The following NEXMIF variants were observed in gnomAD, a reference collection of about 807,000 sequenced individuals.
NEXMIF encodes the protein XLMR protein related to neurite extension.
In NEXMIF, 8 loss-of-function variants were observed where a neutral mutation model predicts 62.1. That is an observed-to-expected ratio of 0.13 (90% CI 0.08 to 0.23). The LOEUF (loss-of-function observed/expected upper bound fraction) is 0.23. Ranked by LOEUF, NEXMIF falls within the 10% of genes least tolerant of loss-of-function variation. NEXMIF has a pLI of 1.00. For synonymous variants in NEXMIF, 404 were observed against 416.6 expected, an observed-to-expected ratio of 0.97 and a Z score of 0.37; for missense variants, 976 against 1,113.3, an observed-to-expected ratio of 0.88 and a Z score of 1.75.
intron 1 of NEXMIF, among the ~76,000 whole-genome samples, chrX:74,784,577 A>G (rs772813783): frequency 1.8e-5 from 2 of 110,317 alleles, no homozygotes; most frequent in Non-Finnish European, 3.8e-5. Context: ...CATTTAATGT[A>G]CTGCTTTATA....
intron 1 of NEXMIF, among the ~76,000 whole-genome samples, chrX:74,831,592 G>A (rs750762697): frequency 2.2e-3 from 241 of 110,277 alleles, no homozygotes; most frequent in Non-Finnish European, 3.5e-3. Context: ...CCAGTCTATC[G>A]TTGTTGGACA....
At chrX:74,751,800 C>T (rs1414746816) in intron 1 of NEXMIF, among the ~76,000 whole-genome samples, 2 of 90,457 alleles carry the variant, frequency 2.2e-5, no homozygotes, top group Admixed American at 1.2e-4. Flanking sequence ...TTCTTTCCTT[C>T]CCTCCCTCCC....
rs777076179 is a variant in NEXMIF, at chrX:74,794,712, A to G, written c.-47-49015T>C. On this transcript the variant is annotated intron_variant, in intron 1 of 3. Coordinates refer to ENST00000055682, the MANE Select transcript of NEXMIF (RefSeq NM_001008537.3). Reference sequence around the variant, plus strand: ...TTTTTAAGCCCGTCGGAAAAGCGCCATATTCGGGTGGGAGTGGCCCGATTT... The same window carrying G: ...TTTTTAAGCCCGTCGGAAAAGCGCCGTATTCGGGTGGGAGTGGCCCGATTT... Among the ~76,000 whole-genome samples, 386 of 111,217 alleles carry G rather than the reference A, an allele frequency of 3.5e-3. 2 individuals carry two copies. The highest frequency in any genetic ancestry group is 0.012 in the African/African-American group (367 of 30,642).
chrX:74,818,569 G>A (rs1463165960), intron 1 of NEXMIF, among the ~76,000 whole-genome samples: 2 of 111,902 alleles, frequency 1.8e-5, no homozygotes, highest in Non-Finnish European at 3.8e-5. Flanking sequence ...TCATGATGAA[G>A]ACCTCAAAAG....
In NEXMIF at chrX:74,890,182, A is replaced by T. The variant is rs764341260; in HGVS notation, c.-48+34701T>A. On this transcript the variant is annotated intron_variant, in intron 1 of 3. Coordinates refer to ENST00000055682, the MANE Select transcript of NEXMIF (RefSeq NM_001008537.3). ...GATCCTGTTCTAGGACTTTGATCCTAGACCTACATGTTTCTCTCAACCAAC... is the reference window on the plus strand; with the variant it reads ...GATCCTGTTCTAGGACTTTGATCCTTGACCTACATGTTTCTCTCAACCAAC... Among the ~76,000 whole-genome samples, 5 of 111,197 alleles carry T rather than the reference A, an allele frequency of 4.5e-5. No homozygotes were observed. The East Asian group carries it at 1.4e-3, about 32-fold the overall frequency.
chrX:74,882,902 G>A (rs1454403004), intron 1 of NEXMIF, among the ~76,000 whole-genome samples: 1 of 111,615 alleles, frequency 9.0e-6, no homozygotes, highest in African/African-American at 3.3e-5. Context: ...CCCCTAGTAG[G>A]GGTGGACTGA....
In NEXMIF at chrX:74,840,651, G is replaced by GT. The variant is rs757718714; in HGVS notation, c.-48+84231dup. Among the ~76,000 whole-genome samples the GT allele has an allele frequency of 3.4e-3, 382 of 111,308 alleles. 2 individuals carry two copies. Among genetic ancestry groups the GT allele is most frequent in the African/African-American group, 0.012 (365 of 30,754 alleles). On this transcript the variant is annotated intron_variant, in intron 1 of 3. Coordinates refer to ENST00000055682, the MANE Select transcript of NEXMIF (RefSeq NM_001008537.3). ...TTTAAGTCTTTAATCCATCTTGTTAGTTTTGTATATGGTGTAAGGAAGGTG... is the reference window on the plus strand; with the variant it reads ...TTTAAGTCTTTAATCCATCTTGTTAGTTTTTGTATATGGTGTAAGGAAGGTG...
chrX:74,856,477 G>A (rs778732837), intron 1 of NEXMIF, among the ~76,000 whole-genome samples: 1 of 111,596 alleles, frequency 9.0e-6, no homozygotes, highest in Non-Finnish European at 1.9e-5. Flanking sequence ...CCCAGAAGCG[G>A]AGGAGAGAGA....
At chrX:74,776,392 C>T (rs902986646) in intron 1 of NEXMIF, among the ~76,000 whole-genome samples, 2 of 111,466 alleles carry the variant, frequency 1.8e-5, no homozygotes, top group African/African-American at 6.5e-5. Context: ...ACTGGAGTCA[C>T]ATCACCCTTA....
Position 74,753,717 on chromosome X carries a change from A to G in NEXMIF, c.-47-8020T>C, listed in dbSNP as rs756307689. Reference sequence around the variant, plus strand: ...ATTTCCTCCTTACACACACACACGCACACACACACACACACACACACAGGA... The same window carrying G: ...ATTTCCTCCTTACACACACACACGCGCACACACACACACACACACACAGGA... On this transcript the variant is annotated intron_variant, in intron 1 of 3. Transcript: ENST00000055682. Among the ~76,000 whole-genome samples the G allele has an allele frequency of 4.6e-3, 452 of 97,616 alleles. 1 individual carries two copies. Among genetic ancestry groups the G allele is most frequent in the African/African-American group, 0.017 (419 of 24,494 alleles). The allele number at this position is 97,616 out of a possible 115,157, so 84.8% of individuals were successfully genotyped here.
intron 1 of NEXMIF, among the ~76,000 whole-genome samples, chrX:74,847,758 T>C (rs756593017): frequency 1.8e-5 from 2 of 111,738 alleles, no homozygotes; most frequent in Admixed American, 1.9e-4. Context: ...CCTTCTTCAT[T>C]ATTTTTAAAA....
intron 1 of NEXMIF, among the ~76,000 whole-genome samples, chrX:74,863,476 G>C (rs1235546453): frequency 9.0e-6 from 1 of 111,567 alleles, no homozygotes; most frequent in African/African-American, 3.3e-5. Context: ...AACCATCAGA[G>C]AATACTATTT....
chrX:74,883,726 G>T (rs941446900), intron 1 of NEXMIF, among the ~76,000 whole-genome samples: 1 of 112,004 alleles, frequency 8.9e-6, no homozygotes. Context: ...CACTCTGCAG[G>T]ATATTCTCCA....
chrX:74,766,738 T>G (rs1167874700), intron 1 of NEXMIF, among the ~76,000 whole-genome samples: 1 of 112,550 alleles, frequency 8.9e-6, no homozygotes. Context: ...TTCAGCCAAT[T>G]CAGTCTGGTT....
At chrX:74,887,267 A>C (rs1248695673) in intron 1 of NEXMIF, among the ~76,000 whole-genome samples, 4 of 111,358 alleles carry the variant, frequency 3.6e-5, no homozygotes, top group Non-Finnish European at 7.5e-5. Context: ...AAAACACCAA[A>C]AGCAATGGCA....
chrX:74,904,031 C>A lies in NEXMIF; in HGVS notation c.-48+20852G>T, dbSNP rs767627506. 1.3e-4 allele frequency among the ~76,000 whole-genome samples: 14 copies of A among 109,859 alleles called. No individual in the cohort carries two copies. The East Asian group carries it at 4.0e-3, about 31-fold the overall frequency. ...GCTCAGGCTCTGGAAAAATTGAGCA[C>A]CCCACCTCACTCCTCACTCCATGGA... is the stretch of plus-strand genomic sequence containing the variant. On this transcript the variant is annotated intron_variant, in intron 1 of 3. Coordinates refer to ENST00000055682, the MANE Select transcript of NEXMIF (RefSeq NM_001008537.3).
At chrX:74,752,438 C>T (rs1265255959) in intron 1 of NEXMIF, among the ~76,000 whole-genome samples, 1 of 111,250 alleles carries the variant, frequency 9.0e-6, no homozygotes, top group African/African-American at 3.3e-5. Context: ...TGTGTCCTAG[C>T]TCAGTGCCTC....
intron 1 of NEXMIF, among the ~76,000 whole-genome samples, chrX:74,884,211 C>T (rs1056584984): frequency 4.5e-5 from 5 of 111,762 alleles, no homozygotes; most frequent in Non-Finnish European, 7.5e-5. Context: ...GTAAAGACCA[C>T]CCAGGCTAGG....
In NEXMIF at chrX:74,758,263, AAAG is replaced by A. The variant is rs1315586138; in HGVS notation, c.-47-12569_-47-12567del. Among the ~76,000 whole-genome samples, 33 of 111,395 alleles carry A rather than the reference AAAG, an allele frequency of 3.0e-4. No homozygotes were observed. In the East Asian group the frequency reaches 7.1e-3, roughly 24 times the overall value. ...AAAAATTAATAATCTACAGAGACAC[AAAG>A]AAGGATTAAGCAGGGGAAACATGAT... On this transcript the variant is annotated intron_variant, in intron 1 of 3. Transcript: ENST00000055682.
Sources: allele counts gnomAD v4.1 joint callset (sites outside exome capture counted in the v4.1 genomes callset), GRCh38; gene constraint gnomAD v4.1.1; transcripts MANE v1.5; gene names NCBI Gene and HGNC (gene_info 2026-07-23, HGNC 2026-07-21).